Variants in TGFBI observed in about 807,000 individuals in gnomAD.
TGFBI encodes transforming growth factor-beta-induced protein ig-h3.
In TGFBI, 50 loss-of-function variants were observed where a neutral mutation model predicts 73.7. The ratio of observed to expected loss-of-function variants is 0.68; its 90% CI spans 0.54 to 0.86. TGFBI has a LOEUF of 0.86. Ranked by LOEUF, TGFBI falls within the 40% of genes least tolerant of loss-of-function variation. The pLI, the probability that TGFBI is intolerant of heterozygous loss-of-function variation, is 0.00. For missense variants in TGFBI, 839 were observed against 877.0 expected, an observed-to-expected ratio of 0.96 and a Z score of 0.55; for synonymous variants, 362 against 360.5, an observed-to-expected ratio of 1.00 and a Z score of -0.05.
chr5:136,029,936 A>C (rs1751087538), intron 1 of TGFBI, among the ~76,000 whole-genome samples: 1 of 152,138 alleles, frequency 6.6e-6, no homozygotes, highest in Non-Finnish European at 1.5e-5. Flanking sequence ...TCATTGCAGG[A>C]ATTCCTTTGA....
At chr5:136,050,526 T>C (rs1252584561) in intron 7 of TGFBI, among the ~76,000 whole-genome samples, 1 of 152,110 alleles carries the variant, frequency 6.6e-6, no homozygotes, top group Admixed American at 6.5e-5. Context: ...GCCTTCCCCC[T>C]ACCCTGCCCC....
intron 6 of TGFBI, chr5:136,049,229 T>A: frequency 3.6e-6 from 2 of 553,804 alleles, no homozygotes; most frequent in South Asian, 5.4e-5. Context: ...GTTAAGGACA[T>A]GAAAGATGGC....
At chr5:136,061,705 C>T (rs1226326367) in intron 15 of TGFBI, 126 bp downstream of exon 15, 3 of 777,236 alleles carry the variant, frequency 3.9e-6, no homozygotes, top group South Asian at 1.5e-5. Flanking sequence ...AACTTCTCCC[C>T]ACTCCCACTG....
chr5:136,033,625 C>T (rs1212972722), intron 1 of TGFBI, 138 bp from the exon 2 acceptor site: 2 of 686,454 alleles, frequency 2.9e-6, no homozygotes, highest in Non-Finnish European at 5.1e-6. Flanking sequence ...CCAAGATATC[C>T]CCAGTACCAA....
In TGFBI at chr5:136,047,028, C is replaced by T; in HGVS notation, c.624+13C>T. 2 of 1,609,822 alleles carry T rather than the reference C, an allele frequency of 1.2e-6. No homozygotes were observed. Among genetic ancestry groups the T allele is most frequent in the Non-Finnish European group, 1.7e-6 (2 of 1,179,662 alleles). Reference sequence around the variant, plus strand: ...CTATCCTAATGGGGTAGGGGATCCCCAGCCATACTGCATGGCCCTTGGTGC... The same window carrying T: ...CTATCCTAATGGGGTAGGGGATCCCTAGCCATACTGCATGGCCCTTGGTGC... On this transcript the variant is annotated intron_variant, in intron 5 of 16. Transcript: ENST00000442011.
intron 3 of TGFBI, chr5:136,044,747 A>C (rs991338996): frequency 6.6e-6 from 1 of 152,276 alleles, no homozygotes; most frequent in Non-Finnish European, 1.5e-5. Flanking sequence ...GTGACTGTAC[A>C]GGGGAGTTAG....
intron 2 of TGFBI, among the ~76,000 whole-genome samples, chr5:136,043,344 A>G (rs1357742290): frequency 6.6e-6 from 1 of 152,240 alleles, no homozygotes; most frequent in African/African-American, 2.4e-5. Flanking sequence ...CACTGTTTGT[A>G]TATTTTCAAT....
Position 136,031,297 on chromosome 5 carries a change from G to A in TGFBI, c.134+2108G>A, listed in dbSNP as rs576750054. On this transcript the variant is annotated intron_variant, in intron 1 of 16. Transcript: ENST00000442011. ...CAGGGCTGTGGCGCCTTGTGCAAAT[G>A]GATAACGTTGTTCTAGCTCCAGCCT... 3.3e-5 allele frequency among the ~76,000 whole-genome samples: 5 copies of A among 152,368 alleles called. No individual in the cohort carries two copies. The South Asian group carries it at 1.0e-3, about 32-fold the overall frequency.
rs556133731 is a variant in TGFBI at position 136,055,778 on chromosome 5, G to T, written c.1509G>T (p.Gly503=). ...TMDRVLTPPM[G]TVMDVLKGDN... ...ACCGGGTGCTGACCCCCCCAATGGG[G>T]ACTGTCATGGATGTCCTGAAGGGAG... The change falls in exon 11 of 17, where the codon GGG becomes GGT. Residue 503 remains glycine (G), a synonymous_variant. Transcript: ENST00000442011. 7 of 1,612,532 alleles carry T rather than the reference G, an allele frequency of 4.3e-6. No homozygotes were observed. In the East Asian group the frequency reaches 1.3e-4, roughly 31 times the overall value.
Position 136,049,564 on chromosome 5 carries a change from C to A in TGFBI, c.897C>A (p.Asp299Glu). The change falls in exon 7 of 17, where the codon GAC becomes GAA. Residue 299 changes from aspartate to glutamate, a missense_variant. By Grantham distance (45) the Asp-to-Glu change is conservative. Coordinates refer to ENST00000442011, the MANE Select transcript of TGFBI (RefSeq NM_000358.3). ...AGACTTTGAACCGTATCCTGGGCGA[C>A]CCAGAAGCCCTGAGAGGTGAGCATC... ...PSETLNRILG[D>E]PEALRDLLNN... 1 of 1,613,728 alleles carries A rather than the reference C, an allele frequency of 6.2e-7. No homozygotes were observed. The highest frequency in any genetic ancestry group is 1.3e-5 in the African/African-American group (1 of 75,058).
In TGFBI at chr5:136,049,438, G is replaced by A; in HGVS notation, c.772-1G>A. The stretch of plus-strand genomic sequence containing the variant: ...CACTCCATCTTCTCTCCTCCCCACA[G>A]GCTGCTGTGGCTGCATCAGGGCTCA... On this transcript the variant is annotated splice_acceptor_variant, in intron 6 of 16. Transcript: ENST00000442011. LOFTEE classifies it high-confidence loss of function. 3 of 1,613,740 alleles carry A rather than the reference G, an allele frequency of 1.9e-6. No individual in the cohort carries two copies. The highest frequency in any genetic ancestry group is 2.5e-6 in the Non-Finnish European group (3 of 1,179,690).
intron 10 of TGFBI, chr5:136,055,447 A>G: frequency 2.5e-6 from 1 of 397,354 alleles, no homozygotes. Context: ...TCATTATGGG[A>G]CCTCTGTGTG....
chr5:136,042,555 C>T (rs1186883561), intron 2 of TGFBI, among the ~76,000 whole-genome samples: 1 of 151,894 alleles, frequency 6.6e-6, no homozygotes, highest in Non-Finnish European at 1.5e-5. Flanking sequence ...AAGATGAGTC[C>T]CAAGACAATA....
chr5:136,046,591 C>G lies in TGFBI; in HGVS notation c.459+96C>G, dbSNP rs930582755. 7.1e-6 allele frequency: 10 copies of G among 1,416,182 alleles called. No homozygotes were observed. In the South Asian group the frequency reaches 1.5e-4, roughly 21 times the overall value. The allele number at this position is 1,416,182 out of a possible 1,614,324, so 87.7% of individuals were successfully genotyped here. A position where few individuals can be genotyped will look rare whatever the true frequency, so the allele number is the denominator to read the frequency against. On this transcript the variant is annotated intron_variant, in intron 4 of 16. Transcript: ENST00000442011. The stretch of plus-strand genomic sequence containing the variant: ...ATGAATGGGAGTCTGCAGTCATTTC[C>G]TACTGTTTCAGGAAGCTTTCTCCTT...
At chr5:136,056,171 C>G (rs920663539) in intron 11 of TGFBI, among the ~76,000 whole-genome samples, 1 of 152,216 alleles carries the variant, frequency 6.6e-6, no homozygotes, top group Non-Finnish European at 1.5e-5. Flanking sequence ...TCACTCTCTG[C>G]GCAGTATCTG....
At position 136,063,214 on chromosome 5, in the gene TGFBI, G is replaced by A. The variant is rs762051168; in HGVS notation, c.2040G>A (p.Arg680=). 1 of 1,613,790 alleles carries A rather than the reference G, an allele frequency of 6.2e-7. No homozygotes were observed. Among genetic ancestry groups the A allele is most frequent in the Middle Eastern group, 1.6e-4 (1 of 6,062 alleles). ...CTGTCTATCAAAAGTTATTAGAGAGGATGAAGCATTAGCTTGAAGCACTAC... is the reference window on the plus strand; with the variant it reads ...CTGTCTATCAAAAGTTATTAGAGAGAATGAAGCATTAGCTTGAAGCACTAC... ...LAPVYQKLLE[R]MKH The change falls in exon 17 of 17, where the codon AGG becomes AGA. Residue 680 remains arginine, a synonymous_variant. Transcript: ENST00000442011.
chr5:136,036,226 TG>T (rs891073569), intron 2 of TGFBI, among the ~76,000 whole-genome samples: 15 of 152,118 alleles, frequency 9.9e-5, no homozygotes, highest in African/African-American at 3.6e-4. Flanking sequence ...CTGGATGAGG[TG>T]GGGAGATGGG....
intron 2 of TGFBI, among the ~76,000 whole-genome samples, chr5:136,038,820 C>T (rs1314288634): frequency 6.6e-6 from 1 of 152,088 alleles, no homozygotes; most frequent in Admixed American, 6.5e-5. Context: ...CCAAGGAATG[C>T]AGGCAGCTTC....
rs1751593035 is a variant in TGFBI, at chr5:136,054,608, G to A, written c.1265-108G>A. ...AGCTTCACTTGGTTTCTCAATCCCT[G>A]TTTCCAAACTCAAGGAGGGATGGGC... On this transcript the variant is annotated intron_variant, in intron 9 of 16. Coordinates refer to ENST00000442011, the MANE Select transcript of TGFBI (RefSeq NM_000358.3). 3.4e-6 allele frequency: 5 copies of A among 1,476,394 alleles called. 1 individual carries two copies. The African/African-American group carries it at 4.2e-5, about 12-fold the overall frequency. The allele number at this position is 1,476,394 out of a possible 1,614,324, so 91.5% of individuals were successfully genotyped here.
Sources: gnomAD v4.1 joint callset for allele counts (sites outside exome capture counted in the v4.1 genomes callset) on GRCh38, gnomAD v4.1.1 for gene constraint, MANE v1.5 for transcripts, NCBI Gene and HGNC (gene_info 2026-07-23, HGNC 2026-07-21) for gene names.